The following GPM6B variants were observed in gnomAD, a reference collection of about 807,000 sequenced individuals.
The protein encoded by GPM6B is glycoprotein M6B, also known as neuronal membrane glycoprotein M6-b.
In GPM6B, 4 loss-of-function variants were observed where a neutral mutation model predicts 27.2. The observed-to-expected ratio is 0.15, with a 90% CI of 0.07 to 0.34. The LOEUF is 0.34. Ranked by LOEUF, GPM6B falls within the 10% of genes least tolerant of loss-of-function variation. The pLI is 1.00. For synonymous variants in GPM6B, 124 were observed against 103.1 expected (o/e 1.20, Z -1.23); for missense variants, 183 against 261.9 (o/e 0.70, Z 2.08).
intron 3 of GPM6B, 41 bp from the exon 4 acceptor site, chrX:13,783,562 G>A (rs1449263301): frequency 1.9e-6 from 2 of 1,062,841 alleles, no homozygotes; most frequent in Non-Finnish European, 2.6e-6. Flanking sequence ...TAAATTCACT[G>A]CCTGGTAGTG....
chrX:13,932,260 G>T (rs1921609935), intron 1 of GPM6B, among the ~76,000 whole-genome samples: 1 of 110,900 alleles, frequency 9.0e-6, no homozygotes, highest in East Asian at 2.8e-4. Context: ...TTGTATCCAG[G>T]GCCTGGACCA....
intron 1 of GPM6B, chrX:13,889,752 CTTTT>C (rs55776374): frequency 9.7e-6 from 1 of 103,301 alleles, no homozygotes; most frequent in Non-Finnish European, 2.0e-5. Flanking sequence ...ATTTCCAGAA[CTTTT>C]TTTTTTTTAT....
intron 5 of GPM6B, 60 bp downstream of exon 5, chrX:13,779,758 A>T (rs1477367858): frequency 8.4e-6 from 8 of 947,988 alleles, no homozygotes; most frequent in Non-Finnish European, 1.0e-5. Flanking sequence ...AATTAGGTCC[A>T]GACATATGCA....
chrX:13,812,253 C>A (rs2049150578), intron 1 of GPM6B, among the ~76,000 whole-genome samples: 1 of 109,911 alleles, frequency 9.1e-6, no homozygotes, highest in Non-Finnish European at 1.9e-5. Flanking sequence ...CTGGGTTTCA[C>A]CATGTTAGCC....
At chrX:13,827,684 A>C (rs990226255) in intron 1 of GPM6B, among the ~76,000 whole-genome samples, 2 of 112,295 alleles carry the variant, frequency 1.8e-5, no homozygotes, top group African/African-American at 3.2e-5. Context: ...TTGCTAAAGG[A>C]AGACAGACAT....
At chrX:13,807,897 C>A (rs2049052875) in intron 1 of GPM6B, 128 bp from the exon 2 acceptor site, 1 of 526,058 alleles carries the variant, frequency 1.9e-6, no homozygotes, top group African/African-American at 2.3e-5. Context: ...TGAAATGCAA[C>A]CCTTCAGTAC....
At chrX:13,874,203 A>G (rs1441283863) in intron 1 of GPM6B, among the ~76,000 whole-genome samples, 1 of 112,057 alleles carries the variant, frequency 8.9e-6, no homozygotes, top group Non-Finnish European at 1.9e-5. Flanking sequence ...AAAATGAAAC[A>G]TTTTCATTTT....
At chrX:13,778,973 CTT>C (rs765034214) in intron 5 of GPM6B, among the ~76,000 whole-genome samples, 15 of 111,991 alleles carry the variant, frequency 1.3e-4, no homozygotes, top group Non-Finnish European at 2.6e-4. Flanking sequence ...AGTCATCTCT[CTT>C]CAGAAAAGCT....
chrX:13,847,002 T>A (rs1432978124), intron 1 of GPM6B, among the ~76,000 whole-genome samples: 1 of 110,228 alleles, frequency 9.1e-6, no homozygotes, highest in Non-Finnish European at 1.9e-5. Flanking sequence ...GACAAGCAGA[T>A]AGTTTGATTG....
chrX:13,872,482 T>C (rs1284241271), intron 1 of GPM6B, among the ~76,000 whole-genome samples: 2 of 110,851 alleles, frequency 1.8e-5, no homozygotes, highest in Non-Finnish European at 3.8e-5. Flanking sequence ...CATATCACTT[T>C]TGAGAGTGAC....
intron 1 of GPM6B, among the ~76,000 whole-genome samples, chrX:13,922,320 C>T (rs769438269): frequency 9.0e-6 from 1 of 111,609 alleles, no homozygotes; most frequent in Non-Finnish European, 1.9e-5. Flanking sequence ...CTGTAACAAC[C>T]AACAAGGTCT....
chrX:13,893,598 C>A (rs1210716147), intron 1 of GPM6B, among the ~76,000 whole-genome samples: 1 of 112,310 alleles, frequency 8.9e-6, no homozygotes, highest in East Asian at 2.8e-4. Context: ...GCCAAAGCAG[C>A]AGCCAAAACG....
chrX:13,785,918 G>A (rs1340565849), intron 2 of GPM6B, 110 bp from the exon 3 acceptor site: 2 of 581,982 alleles, frequency 3.4e-6, no homozygotes, highest in Non-Finnish European at 5.4e-6. Context: ...TCCCCTCTCA[G>A]GCTCTATGGT....
At chrX:13,845,153 C>T (rs1211113680) in intron 1 of GPM6B, among the ~76,000 whole-genome samples, 5 of 110,150 alleles carry the variant, frequency 4.5e-5, no homozygotes, top group African/African-American at 1.7e-4. Flanking sequence ...CCATGCCCTG[C>T]TAATTTTTGT....
intron 1 of GPM6B, among the ~76,000 whole-genome samples, chrX:13,871,226 C>G (rs989716098): frequency 8.9e-6 from 1 of 111,929 alleles, no homozygotes; most frequent in Non-Finnish European, 1.9e-5. Flanking sequence ...TGAGTAGGTG[C>G]CACACAGAAA....
chrX:13,828,258 ATAAT>A (rs917979898), intron 1 of GPM6B, among the ~76,000 whole-genome samples: 4 of 111,693 alleles, frequency 3.6e-5, no homozygotes, highest in Non-Finnish European at 7.5e-5. Context: ...TTGGGTCATG[ATAAT>A]TAATCATTCA....
In GPM6B at chrX:13,916,663, ATGTG is replaced by A. The variant is rs55844856; in HGVS notation, c.-198+21660_-198+21663del. Reference sequence around the variant, plus strand: ...GAAAAGAACATGTATTAGTTTATTAATGTGTGTGTGTGTGTGTGTGTGTGTGTGT... The same window carrying A: ...GAAAAGAACATGTATTAGTTTATTAATGTGTGTGTGTGTGTGTGTGTGTGT... On this transcript the variant is annotated intron_variant, in intron 1 of 6. Coordinates refer to the GPM6B transcript ENST00000398361. 5.8e-3 allele frequency among the ~76,000 whole-genome samples: 520 copies of A among 90,149 alleles called. 1 individual carries two copies. The highest frequency in any genetic ancestry group is 0.012 in the African/African-American group (297 of 24,524). 78.3% of individuals were successfully genotyped at this position (90,149 alleles called of 115,157 possible). A position where few individuals can be genotyped will look rare whatever the true frequency, so the allele number is the denominator to read the frequency against.
intron 4 of GPM6B, among the ~76,000 whole-genome samples, chrX:13,782,260 C>T (rs775638777): frequency 1.1e-4 from 12 of 111,798 alleles, no homozygotes; most frequent in African/African-American, 1.3e-4. Flanking sequence ...GAGCTAAAAG[C>T]GGGCCATGCT....
intron 2 of GPM6B, among the ~76,000 whole-genome samples, chrX:13,801,072 C>G (rs774804039): frequency 9.1e-6 from 1 of 110,234 alleles, no homozygotes; most frequent in Admixed American, 9.7e-5. Context: ...TGATCCCCAG[C>G]ACTACATTTA....
Sources: gnomAD v4.1 joint callset for allele counts (sites outside exome capture counted in the v4.1 genomes callset) on GRCh38, gnomAD v4.1.1 for gene constraint, MANE v1.5 for transcripts, NCBI Gene and HGNC (gene_info 2026-07-23, HGNC 2026-07-21) for gene names.